CBLB: variants seen among roughly 807,000 people sequenced by gnomAD.
CBLB encodes the protein E3 ubiquitin-protein ligase CBL-B.
In CBLB, 31 loss-of-function variants were observed where a neutral mutation model predicts 104.9. The observed-to-expected ratio is 0.30, with a 90% CI of 0.22 to 0.40. CBLB has a LOEUF of 0.40. Ranked by LOEUF, CBLB falls within the 10% of genes least tolerant of loss-of-function variation. The probability of loss-of-function intolerance (pLI) is 1.00; values close to 1 mark genes in which losing one functional copy is unlikely to be tolerated. For missense variants in CBLB, 1,062 were observed against 1,214.6 expected (o/e 0.87, Z 1.87); for synonymous variants, 440 against 422.6 (o/e 1.04, Z -0.51).
intron 18 of CBLB, among the ~76,000 whole-genome samples, chr3:105,668,618 T>TA (rs1337280280): frequency 6.6e-6 from 1 of 152,218 alleles, no homozygotes; most frequent in Non-Finnish European, 1.5e-5. Flanking sequence ...TGACTGGAAT[T>TA]ACAGGCTACT....
chr3:105,787,012 T>C (rs1335099462), intron 3 of CBLB, among the ~76,000 whole-genome samples: 3 of 152,106 alleles, frequency 2.0e-5, no homozygotes, highest in Non-Finnish European at 4.4e-5. Flanking sequence ...CACAGAAAAA[T>C]CCTGTCTTTT....
chr3:105,739,933 T>C (rs1372271139), intron 7 of CBLB, among the ~76,000 whole-genome samples: 1 of 151,956 alleles, frequency 6.6e-6, no homozygotes, highest in East Asian at 1.9e-4. Flanking sequence ...TGAAACCCCG[T>C]CTCTACTAAA....
At chr3:105,677,580 CA>C (rs1349499724) in intron 17 of CBLB, among the ~76,000 whole-genome samples, 1 of 151,672 alleles carries the variant, frequency 6.6e-6, no homozygotes, top group Non-Finnish European at 1.5e-5. Context: ...TTTCCCAAAT[CA>C]AGTCCAAGGA....
At chr3:105,687,495 A>T (rs2067157931) in intron 13 of CBLB, among the ~76,000 whole-genome samples, 1 of 152,114 alleles carries the variant, frequency 6.6e-6, no homozygotes. Flanking sequence ...TCATGGAATA[A>T]TAAGGCTTAT....
At chr3:105,778,881 G>A (rs1041851068) in intron 3 of CBLB, among the ~76,000 whole-genome samples, 1 of 152,092 alleles carries the variant, frequency 6.6e-6, no homozygotes, top group Non-Finnish European at 1.5e-5. Flanking sequence ...AAAGTAAACT[G>A]TTTTACTATA....
chr3:105,829,706 A>ACTGCAG (rs1303252168), intron 3 of CBLB, among the ~76,000 whole-genome samples: 2 of 65,874 alleles, frequency 3.0e-5, no homozygotes, highest in Non-Finnish European at 7.1e-5. Flanking sequence ...AAAAAACCAA[A>ACTGCAG]CTGCAGCTAT....
At chr3:105,684,714 G>A (rs766668144) in intron 14 of CBLB, among the ~76,000 whole-genome samples, 6 of 151,916 alleles carry the variant, frequency 3.9e-5, no homozygotes, top group Admixed American at 2.6e-4. Flanking sequence ...CACCACACCC[G>A]GCTCATTTTT....
At chr3:105,672,847 A>T (rs564492987) in intron 17 of CBLB, 11 of 152,244 alleles carry the variant, frequency 7.2e-5, no homozygotes, top group South Asian at 2.1e-4. Flanking sequence ...GGAAATATAC[A>T]TCAATAAAAA....
chr3:105,668,381 G>GA (rs1213500945), intron 18 of CBLB, among the ~76,000 whole-genome samples: 2 of 152,136 alleles, frequency 1.3e-5, no homozygotes, highest in Non-Finnish European at 2.9e-5. Flanking sequence ...AAGAAGCTGT[G>GA]AAAACACTGT....
chr3:105,837,644 T>A (rs2088767841), intron 3 of CBLB, among the ~76,000 whole-genome samples: 1 of 152,228 alleles, frequency 6.6e-6, no homozygotes, highest in Non-Finnish European at 1.5e-5. Context: ...AGTAATTTCA[T>A]GAACTTTGTC....
In CBLB at chr3:105,728,594, G is replaced by A. The variant is rs544512066; in HGVS notation, c.1203+5415C>T. On this transcript the variant is annotated intron_variant, in intron 9 of 18. Transcript: ENST00000394030. ...GAAGTTCAGGGTTGAGAAGATAAAC[G>A]TTTTGTTAATGTCCCATTAACACGT... Among the ~76,000 whole-genome samples the A allele has an allele frequency of 5.9e-5, 9 of 152,200 alleles. No individual in the cohort carries two copies. The East Asian group carries it at 1.2e-3, about 20-fold the overall frequency.
intron 14 of CBLB, among the ~76,000 whole-genome samples, chr3:105,684,741 C>T (rs1460242511): frequency 6.6e-6 from 1 of 152,030 alleles, no homozygotes; most frequent in African/African-American, 2.4e-5. Flanking sequence ...TTAGTAGAGA[C>T]AGGGTTTCAC....
chr3:105,789,822 A>G (rs571241192), intron 3 of CBLB, among the ~76,000 whole-genome samples: 118 of 152,272 alleles, frequency 7.7e-4, no homozygotes, highest in Admixed American at 2.7e-3. Flanking sequence ...GTTCTATTCA[A>G]TGGGGTCTCT....
At chr3:105,735,026 A>C (rs1254133674) in intron 8 of CBLB, among the ~76,000 whole-genome samples, 1 of 152,250 alleles carries the variant, frequency 6.6e-6, no homozygotes, top group Non-Finnish European at 1.5e-5. Flanking sequence ...TACAAAGAAA[A>C]GGAATTATGA....
chr3:105,714,917 T>G (rs558253655), intron 10 of CBLB, among the ~76,000 whole-genome samples: 3 of 152,366 alleles, frequency 2.0e-5, no homozygotes, highest in African/African-American at 7.2e-5. Flanking sequence ...TGTTCTAATG[T>G]GGCCATTAAG....
chr3:105,702,476 G>GAAAAAAAAAAAAAAAGAAAA lies in CBLB; in HGVS notation c.1594-18_1594-17insTTTTCTTTTTTTTTTTTTTT. 3.6e-6 allele frequency: 1 copy of GAAAAAAAAAAAAAAAGAAAA among 277,060 alleles called. No individual in the cohort carries two copies. The allele number at this position is 277,060 out of a possible 1,614,324, so 17.2% of individuals were successfully genotyped here. On this transcript the variant is annotated splice_polypyrimidine_tract_variant and intron_variant, in intron 11 of 18. Coordinates refer to ENST00000394030, the MANE Select transcript of CBLB (RefSeq NM_170662.5). ...AGGAGAAGACTAAAGAAACAGAAGA[G>GAAAAAAAAAAAAAAAGAAAA]AAAAAAAAAAAAAAAAAAAAAAACT...
intron 2 of CBLB, among the ~76,000 whole-genome samples, chr3:105,859,408 T>C (rs539441588): frequency 1.4e-3 from 220 of 152,184 alleles, no homozygotes; most frequent in Admixed American, 3.8e-3. Context: ...TCCCAGCACT[T>C]TGGGAGGCCG....
At chr3:105,751,916 T>C (rs375953857) in intron 4 of CBLB, among the ~76,000 whole-genome samples, 13 of 152,222 alleles carry the variant, frequency 8.5e-5, no homozygotes, top group African/African-American at 3.1e-4. Flanking sequence ...CAAAGTCTTA[T>C]GTGTCATGAC....
intron 4 of CBLB, among the ~76,000 whole-genome samples, chr3:105,773,864 A>G (rs1389538211): frequency 6.6e-6 from 1 of 152,244 alleles, no homozygotes; most frequent in East Asian, 1.9e-4. Flanking sequence ...GAATCCCCCA[A>G]CAAATTTGCC....
Sources: allele counts gnomAD v4.1 joint callset (sites outside exome capture counted in the v4.1 genomes callset), GRCh38; gene constraint gnomAD v4.1.1; transcripts MANE v1.5; gene names NCBI Gene and HGNC (gene_info 2026-07-23, HGNC 2026-07-21).